Variants in NHSL1 observed in about 807,000 individuals in gnomAD.
NHSL1 encodes NHS like 1.
A neutral mutation model predicts 95.0 loss-of-function variants in NHSL1; 48 were observed. That is an observed-to-expected ratio of 0.51 (90% CI 0.40 to 0.64). NHSL1 has a LOEUF of 0.64. NHSL1 is among the 30% of genes least tolerant of loss of function. The probability of loss-of-function intolerance (pLI) is 0.00; values close to 1 mark genes in which losing one functional copy is unlikely to be tolerated. For synonymous variants in NHSL1, 783 were observed against 833.9 expected (o/e 0.94, Z 1.05); for missense variants, 1,971 against 2,077.7 (o/e 0.95, Z 1.00).
intron 2 of NHSL1, among the ~76,000 whole-genome samples, chr6:138,481,614 T>C (rs1477993400): frequency 6.6e-6 from 1 of 152,200 alleles, no homozygotes; most frequent in East Asian, 1.9e-4. Flanking sequence ...TACAGATCTT[T>C]TCAATGAATA....
chr6:138,516,101 T>C (rs1781449349), intron 1 of NHSL1, among the ~76,000 whole-genome samples: 1 of 152,252 alleles, frequency 6.6e-6, no homozygotes, highest in African/African-American at 2.4e-5. Flanking sequence ...CTCATTTCCA[T>C]GCTCCTGCGG....
chr6:138,531,672 T>C (rs1348723844), intron 1 of NHSL1, among the ~76,000 whole-genome samples: 1 of 152,040 alleles, frequency 6.6e-6, no homozygotes, highest in Admixed American at 6.6e-5. Context: ...GCTAACTTTT[T>C]TGTCTTTTTG....
intron 1 of NHSL1, among the ~76,000 whole-genome samples, chr6:138,633,481 C>A (rs1430143257): frequency 6.6e-6 from 1 of 152,204 alleles, no homozygotes; most frequent in Admixed American, 6.5e-5. Context: ...ATACATCTGG[C>A]AGTGGACTTT....
chr6:138,669,334 AG>A (rs1331998161), intron 1 of NHSL1, among the ~76,000 whole-genome samples: 2 of 152,162 alleles, frequency 1.3e-5, no homozygotes, highest in Non-Finnish European at 2.9e-5. Context: ...TGGAGAATAA[AG>A]GTTGAGCCAT....
intron 1 of NHSL1, among the ~76,000 whole-genome samples, chr6:138,559,195 T>TG (rs2128338770): frequency 1.3e-5 from 2 of 152,314 alleles, no homozygotes; most frequent in East Asian, 3.9e-4. Context: ...TTTTCCCCTA[T>TG]GGGGGATGGA....
At chr6:138,624,094 A>G (rs2114636379) in intron 1 of NHSL1, among the ~76,000 whole-genome samples, 1 of 152,320 alleles carries the variant, frequency 6.6e-6, no homozygotes, top group East Asian at 1.9e-4. Context: ...ACAGTGTGAG[A>G]ACAACTAATA....
intron 1 of NHSL1, among the ~76,000 whole-genome samples, chr6:138,662,613 TCAAA>T (rs1472298799): frequency 9.9e-5 from 15 of 152,210 alleles, no homozygotes; most frequent in African/African-American, 3.6e-4. Context: ...TTTTCTCATT[TCAAA>T]CAAACAAGTG....
At chr6:138,582,459 A>G (rs529629627) in intron 1 of NHSL1, among the ~76,000 whole-genome samples, 1 of 152,340 alleles carries the variant, frequency 6.6e-6, no homozygotes, top group African/African-American at 2.4e-5. Flanking sequence ...AATAGTCATA[A>G]TGACCCATTT....
chr6:138,628,052 C>T (rs1174762544), intron 1 of NHSL1, among the ~76,000 whole-genome samples: 2 of 151,902 alleles, frequency 1.3e-5, no homozygotes, highest in Non-Finnish European at 2.9e-5. Flanking sequence ...GTGGCTCATG[C>T]CTATAATCCC....
chr6:138,460,500 C>A (rs540265791), intron 3 of NHSL1, among the ~76,000 whole-genome samples: 5 of 151,322 alleles, frequency 3.3e-5, no homozygotes, highest in Admixed American at 6.6e-5. Flanking sequence ...ATTCCCTAAA[C>A]AATACAGTAT....
At position 138,692,502 on chromosome 6, in the gene NHSL1, C is replaced by G. The variant is rs1214358461; in HGVS notation, c.71G>C (p.Arg24Pro). ...GATTTTCACTCGGCGGTGGTCCAGG[C>G]GCGCAGCGGCGGCTTGCAGGGCGTC... The change falls in exon 1 of 4, where the codon CGC (arginine) becomes CCC (proline). Residue 24 changes from arginine to proline, a missense_variant. Physicochemically the swap from Arg to Pro is moderately radical, Grantham distance 103. Transcript: ENST00000491526. This position sits in a 1 kb window ranked among gnomAD's most constrained non-coding sequence, Gnocchi z 4.0. 1 of 198,290 alleles carries G rather than the reference C, an allele frequency of 5.0e-6. No individual in the cohort carries two copies. The highest frequency in any genetic ancestry group is 1.0e-5 in the Non-Finnish European group (1 of 99,760). 12.3% of individuals were successfully genotyped at this position (198,290 alleles called of 1,614,324 possible).
chr6:138,674,974 GA>G (rs1232243135), intron 1 of NHSL1, among the ~76,000 whole-genome samples: 1 of 150,922 alleles, frequency 6.6e-6, no homozygotes, highest in Non-Finnish European at 1.5e-5. Context: ...CTTGAGCCCA[GA>G]AGTTCAAGGT....
intron 1 of NHSL1, among the ~76,000 whole-genome samples, chr6:138,668,751 G>T (rs558274864): frequency 6.6e-6 from 1 of 151,412 alleles, no homozygotes; most frequent in South Asian, 2.1e-4. Context: ...AGTCTCCCGC[G>T]TAGCTGGGAC....
chr6:138,605,526 C>G (rs1394776859), intron 1 of NHSL1, among the ~76,000 whole-genome samples: 4 of 152,180 alleles, frequency 2.6e-5, no homozygotes, highest in Non-Finnish European at 5.9e-5. Flanking sequence ...TTTTCATCAG[C>G]TCAAAGCATA....
At chr6:138,442,477 T>A (rs553932388) in intron 4 of NHSL1, among the ~76,000 whole-genome samples, 1 of 152,282 alleles carries the variant, frequency 6.6e-6, no homozygotes, top group South Asian at 2.1e-4. Flanking sequence ...AGCGTGTAGG[T>A]GGTGATGGTA....
chr6:138,571,702 C>T (rs936387758), intron 1 of NHSL1: 9 of 1,548,286 alleles, frequency 5.8e-6, no homozygotes, highest in African/African-American at 1.4e-5. Context: ...TTTTAAAAAT[C>T]GAGTCACCTT....
upstream of NHSL1, among the ~76,000 whole-genome samples, chr6:138,502,988 T>A (rs1051539116): frequency 1.3e-5 from 2 of 152,232 alleles, no homozygotes; most frequent in African/African-American, 4.8e-5. Context: ...GCTGTCTTCC[T>A]ACTTGTCTCT....
At chr6:138,652,314 G>A (rs1410858216) in intron 1 of NHSL1, among the ~76,000 whole-genome samples, 2 of 151,926 alleles carry the variant, frequency 1.3e-5, no homozygotes, top group Non-Finnish European at 2.9e-5. Context: ...GGCGGCTCAT[G>A]CCTGTAATCC....
At chr6:138,571,515 G>A in intron 1 of NHSL1, 1 of 597,302 alleles carries the variant, frequency 1.7e-6, no homozygotes, top group Non-Finnish European at 2.9e-6. Context: ...AATGATACAA[G>A]ATACAAGCTC....
Sources: gnomAD v4.1 joint callset for allele counts (sites outside exome capture counted in the v4.1 genomes callset) on GRCh38, gnomAD v4.1.1 for gene constraint, Gnocchi (gnomAD v3.1) non-coding constraint, MANE v1.5 for transcripts, NCBI Gene and HGNC (gene_info 2026-07-23, HGNC 2026-07-21) for gene names.